The following ZDHHC11B variants were observed in gnomAD, a reference collection of about 807,000 sequenced individuals.
The protein encoded by ZDHHC11B is zDHHC palmitoyltransferase 11B (putative), also known as probable palmitoyltransferase ZDHHC11B.
In ZDHHC11B, 17 loss-of-function variants were observed where a neutral mutation model predicts 42.3. That is an observed-to-expected ratio of 0.40 (90% CI 0.27 to 0.60). The LOEUF (loss-of-function observed/expected upper bound fraction) is 0.60. Among genes scored for constraint, ZDHHC11B ranks in the 20% least tolerant of loss-of-function variants. The probability of loss-of-function intolerance (pLI) is 0.41; values close to 1 mark genes in which losing one functional copy is unlikely to be tolerated. For missense variants in ZDHHC11B, 262 were observed against 463.2 expected, an observed-to-expected ratio of 0.57 and a Z score of 3.99; for synonymous variants, 123 against 193.5, an observed-to-expected ratio of 0.64 and a Z score of 3.02.
chr5:780,653 T>C (rs1212665560), intron 1 of ZDHHC11B, among the ~76,000 whole-genome samples: 2 of 138,254 alleles, frequency 1.4e-5, no homozygotes, highest in Non-Finnish European at 3.0e-5. Context: ...GAACTGCAGG[T>C]GGGCTGTGCC....
chr5:722,276 G>A lies in ZDHHC11B; in HGVS notation c.1059-5411C>T, dbSNP rs878870171. ...AATTAAACATGGAGTTAAGCTGCAC[G>A]TGGACAGACTCTATCTGTAATTCAC... On this transcript the variant is annotated intron_variant, in intron 12 of 13. Transcript: ENST00000508859. Among the ~76,000 whole-genome samples, 19 of 151,530 alleles carry A rather than the reference G, an allele frequency of 1.3e-4. 1 individual carries two copies. The highest frequency in any genetic ancestry group is 7.2e-4 in the Admixed American group (11 of 15,212).
chr5:748,153 G>A lies in ZDHHC11B; in HGVS notation c.784+251C>T, dbSNP rs1406728388. 374 of 572,084 alleles carry A rather than the reference G, an allele frequency of 6.5e-4. 92 individuals are homozygous for A. The highest frequency in any genetic ancestry group is 2.7e-4 in the Middle Eastern group (1 of 3,692). 35.4% of individuals were successfully genotyped at this position (572,084 alleles called of 1,614,324 possible). On this transcript the variant is annotated intron_variant, in intron 8 of 13. Transcript: ENST00000508859. ...CGGCAGCGCTCCTGCAGGTCTCAGC[G>A]TTGAGTTCAGCTTCTTGCTGGGCCT...
At chr5:777,256 T>C (rs1300067607) in intron 1 of ZDHHC11B, among the ~76,000 whole-genome samples, 5 of 151,946 alleles carry the variant, frequency 3.3e-5, no homozygotes, top group African/African-American at 9.7e-5. Flanking sequence ...AGGTGACGCC[T>C]CTGGAGTCAT....
intron 12 of ZDHHC11B, among the ~76,000 whole-genome samples, chr5:721,815 C>T (rs189484857): frequency 6.6e-6 from 1 of 151,864 alleles, no homozygotes; most frequent in East Asian, 1.9e-4. Flanking sequence ...GTACTTACTT[C>T]TCAGAACTTA....
chr5:720,601 T>C (rs1194245939), intron 12 of ZDHHC11B, among the ~76,000 whole-genome samples: 3 of 151,894 alleles, frequency 2.0e-5, no homozygotes, highest in Non-Finnish European at 4.4e-5. Flanking sequence ...AGAACATTGG[T>C]AAAGAAATAA....
rs572780584 is a variant in ZDHHC11B at position 759,985 on chromosome 5, C to T, written c.223-3841G>A. 2.4e-4 allele frequency among the ~76,000 whole-genome samples: 36 copies of T among 152,010 alleles called. No individual in the cohort carries two copies. The East Asian group carries it at 6.2e-3, about 26-fold the overall frequency. Reference sequence around the variant, plus strand: ...GCCGGGGATGCCGTCCTGAGCCCAGCGCCGGCCAGCGGGAGGGGCAGCATG... The same window carrying T: ...GCCGGGGATGCCGTCCTGAGCCCAGTGCCGGCCAGCGGGAGGGGCAGCATG... On this transcript the variant is annotated intron_variant, in intron 4 of 13. Transcript: ENST00000508859.
At chr5:758,640 G>A (rs948378661) in intron 4 of ZDHHC11B, among the ~76,000 whole-genome samples, 8 of 151,752 alleles carry the variant, frequency 5.3e-5, no homozygotes, top group East Asian at 1.9e-4. Flanking sequence ...CCCTGAAGGC[G>A]TCCACCCAGA....
intron 4 of ZDHHC11B, among the ~76,000 whole-genome samples, chr5:762,249 T>C (rs1447130969): frequency 2.1e-5 from 2 of 95,984 alleles, no homozygotes; most frequent in Non-Finnish European, 4.4e-5. Context: ...CTCCCAGCCC[T>C]GGACAGTCAT....
chr5:784,636 C>T (rs1394475766), intron 1 of ZDHHC11B, among the ~76,000 whole-genome samples, 32 bp downstream of exon 1: 2 of 151,498 alleles, frequency 1.3e-5, no homozygotes, highest in East Asian at 3.9e-4. Flanking sequence ...CCCCGCGCCG[C>T]GCCCGCAGGA....
chr5:766,834 G>A lies in ZDHHC11B; in HGVS notation c.86C>T (p.Ser29Phe). 1 of 1,612,808 alleles carries A rather than the reference G, an allele frequency of 6.2e-7. No individual in the cohort carries two copies. The highest frequency in any genetic ancestry group is 1.1e-5 in the South Asian group (1 of 90,920). ...NEELVLPPRI[S>F]RVNGWSLPLH... ...GGGTAACGACCAGCCGTTCACTCTG[G>A]AGATGCGGGGCGGCAAGACCAGCTC... The change falls in exon 4 of 14, where the codon TCC becomes TTC. Residue 29 changes from serine (S) to phenylalanine (F), a missense_variant. Transcript: ENST00000508859.
chr5:733,308 C>A (rs1743186489), intron 11 of ZDHHC11B, among the ~76,000 whole-genome samples: 1 of 151,900 alleles, frequency 6.6e-6, no homozygotes, highest in South Asian at 2.1e-4. Context: ...TGTGACCACA[C>A]ACACATCGTC....
At position 777,922 on chromosome 5, in the gene ZDHHC11B, G is replaced by A. The variant is rs186649021; in HGVS notation, c.-230+6746C>T. On this transcript the variant is annotated intron_variant, in intron 1 of 13. Transcript: ENST00000508859. ...AGGGAGCCCGGGGCGGGGGAGGGGGGGCGTGGCCTCGGCATGGCGGTCGGC... is the reference window on the plus strand; with the variant it reads ...AGGGAGCCCGGGGCGGGGGAGGGGGAGCGTGGCCTCGGCATGGCGGTCGGC... 4.1e-3 allele frequency among the ~76,000 whole-genome samples: 627 copies of A among 151,642 alleles called. 10 individuals are homozygous for A. Among genetic ancestry groups the A allele is most frequent in the African/African-American group, 0.014 (587 of 41,182 alleles).
intron 6 of ZDHHC11B, among the ~76,000 whole-genome samples, chr5:754,554 G>GCCTATGAGCCTCCACCA (rs1746329029): frequency 3.0e-5 from 3 of 101,276 alleles, no homozygotes; most frequent in African/African-American, 7.5e-5. Context: ...AGCCTCCACC[G>GCCTATGAGCCTCCACCA]TGCTCAGGGG....
At chr5:778,221 G>C (rs1329826173) in intron 1 of ZDHHC11B, among the ~76,000 whole-genome samples, 6 of 151,726 alleles carry the variant, frequency 4.0e-5, no homozygotes, top group Admixed American at 2.6e-4. Context: ...CACGACACAG[G>C]ACATTCCACC....
intron 4 of ZDHHC11B, among the ~76,000 whole-genome samples, chr5:758,592 C>T (rs775328659): frequency 6.6e-6 from 1 of 151,746 alleles, no homozygotes; most frequent in Non-Finnish European, 1.5e-5. Context: ...ATTCCCGAGC[C>T]AGTCCCCAAA....
At chr5:737,855 G>A (rs1192754480) in intron 10 of ZDHHC11B, among the ~76,000 whole-genome samples, 2 of 143,388 alleles carry the variant, frequency 1.4e-5, no homozygotes, top group Non-Finnish European at 3.0e-5. Flanking sequence ...ATACTGAATG[G>A]GGAAAAGTTG....
At chr5:761,551 C>T (rs1240110593) in intron 4 of ZDHHC11B, among the ~76,000 whole-genome samples, 6 of 151,916 alleles carry the variant, frequency 3.9e-5, no homozygotes, top group African/African-American at 1.5e-4. Flanking sequence ...GAGGCCACTA[C>T]TCAGAACTAT....
At chr5:732,175 C>T (rs1419740899) in intron 11 of ZDHHC11B, 1 of 158,354 alleles carries the variant, frequency 6.3e-6, no homozygotes, top group African/African-American at 2.4e-5. Flanking sequence ...AAGTCACGCT[C>T]ATTTTCAGAC....
chr5:777,205 G>C (rs1382030074), intron 1 of ZDHHC11B, among the ~76,000 whole-genome samples: 1 of 151,906 alleles, frequency 6.6e-6, no homozygotes, highest in African/African-American at 2.4e-5. Context: ...GACTTTAGGA[G>C]TGAAGCCGCG....
Sources: allele counts gnomAD v4.1 joint callset (sites outside exome capture counted in the v4.1 genomes callset), GRCh38; gene constraint gnomAD v4.1.1; transcripts MANE v1.5; gene names NCBI Gene and HGNC (gene_info 2026-07-23, HGNC 2026-07-21).